Variants in ASIC2 observed in about 807,000 individuals in gnomAD.
ASIC2 encodes the protein acid sensing ion channel subunit 2, also known as acid-sensing ion channel 2.
In ASIC2, 25 loss-of-function variants were observed where a neutral mutation model predicts 57.3. That is an observed-to-expected ratio of 0.44 (90% confidence interval 0.32 to 0.61). The LOEUF (loss-of-function observed/expected upper bound fraction) is 0.61, where lower values mean the gene tolerates loss of function less well. ASIC2 is among the 20% of genes least tolerant of loss of function. The pLI is 0.06. For missense variants in ASIC2, 641 were observed against 738.1 expected, an observed-to-expected ratio of 0.87 and a Z score of 1.52; for synonymous variants, 319 against 307.5, an observed-to-expected ratio of 1.04 and a Z score of -0.39.
At chr17:33,931,333 C>A (rs1239976773) in intron 1 of ASIC2, 1 of 152,166 alleles carries the variant, frequency 6.6e-6, no homozygotes, top group Non-Finnish European at 1.5e-5. Flanking sequence ...CAGAGCAGAA[C>A]AGGCCAGGGA....
At chr17:33,937,999 C>A (rs1358037089) in intron 1 of ASIC2, among the ~76,000 whole-genome samples, 1 of 152,180 alleles carries the variant, frequency 6.6e-6, no homozygotes, top group Non-Finnish European at 1.5e-5. Flanking sequence ...AGGGAACAAG[C>A]CTAAATCTCC....
intron 1 of ASIC2, among the ~76,000 whole-genome samples, chr17:34,101,222 C>T (rs1474159402): frequency 1.3e-5 from 2 of 152,152 alleles, no homozygotes; most frequent in East Asian, 3.8e-4. Flanking sequence ...CAAATGTATC[C>T]GGTATTGTTT....
intron 1 of ASIC2, among the ~76,000 whole-genome samples, chr17:33,659,328 A>G (rs564816893): frequency 2.0e-5 from 3 of 152,322 alleles, no homozygotes; most frequent in East Asian, 1.9e-4. Context: ...AATGACAGGT[A>G]TATGTTCTGA....
At chr17:33,313,458 G>T (rs914335109) in intron 1 of ASIC2, among the ~76,000 whole-genome samples, 1 of 152,102 alleles carries the variant, frequency 6.6e-6, no homozygotes, top group African/African-American at 2.4e-5. Context: ...CCCTTTAAAG[G>T]AATTGGTTGT....
chr17:33,533,558 C>A (rs904026401), intron 1 of ASIC2: 1 of 152,136 alleles, frequency 6.6e-6, no homozygotes, highest in African/African-American at 2.4e-5. Flanking sequence ...AAATAAAAGG[C>A]CTTGTCTGAG....
intron 3 of ASIC2, among the ~76,000 whole-genome samples, chr17:33,085,843 G>A (rs1246796948): frequency 6.6e-6 from 1 of 152,082 alleles, no homozygotes; most frequent in East Asian, 1.9e-4. Context: ...ATGTGTTTTT[G>A]TATTTCTCTA....
intron 1 of ASIC2, chr17:34,118,342 T>C (rs1476020938): frequency 1.3e-5 from 2 of 152,208 alleles, no homozygotes; most frequent in Admixed American, 6.5e-5. Flanking sequence ...CTATTGTTAG[T>C]AGCATGTTTT....
chr17:33,711,845 G>T (rs1169265887), intron 1 of ASIC2, among the ~76,000 whole-genome samples: 1 of 152,176 alleles, frequency 6.6e-6, no homozygotes, highest in East Asian at 1.9e-4. Context: ...TGAGATTTGG[G>T]TGGGGACACA....
At chr17:33,326,650 G>A (rs1426714253) in intron 1 of ASIC2, among the ~76,000 whole-genome samples, 2 of 152,166 alleles carry the variant, frequency 1.3e-5, no homozygotes, top group Admixed American at 1.3e-4. Flanking sequence ...AAAACCAGCA[G>A]CTCCCAGAGC....
At chr17:33,436,961 G>T (rs1293639880) in intron 1 of ASIC2, among the ~76,000 whole-genome samples, 1 of 136,640 alleles carries the variant, frequency 7.3e-6, no homozygotes, top group Non-Finnish European at 1.5e-5. Flanking sequence ...CGCCTCCCAG[G>T]TTCATGCCAT....
At chr17:33,752,206 A>G (rs950970818) in intron 1 of ASIC2, among the ~76,000 whole-genome samples, 1 of 152,056 alleles carries the variant, frequency 6.6e-6, no homozygotes, top group African/African-American at 2.4e-5. Flanking sequence ...GCCCTTTCAA[A>G]CAGAAATTTA....
intron 1 of ASIC2, chr17:33,984,165 A>G (rs1905728349): frequency 6.6e-6 from 1 of 152,134 alleles, no homozygotes; most frequent in East Asian, 1.9e-4. Context: ...GCCCTCTCCA[A>G]TGGAGGGGAG....
intron 3 of ASIC2, among the ~76,000 whole-genome samples, chr17:33,053,539 A>T (rs1455910020): frequency 7.2e-5 from 11 of 152,240 alleles, no homozygotes; most frequent in African/African-American, 2.6e-4. Context: ...CTCTAAGTTG[A>T]GGCTAATCAT....
intron 1 of ASIC2, among the ~76,000 whole-genome samples, chr17:33,799,356 TTC>T (rs1912014786): frequency 2.3e-5 from 3 of 128,526 alleles, no homozygotes; most frequent in African/African-American, 9.6e-5. Flanking sequence ...CTCTTTCTCT[TTC>T]TTTCTTTCTT....
chr17:33,802,760 A>T (rs760304759), intron 1 of ASIC2, among the ~76,000 whole-genome samples: 1 of 152,258 alleles, frequency 6.6e-6, no homozygotes, highest in South Asian at 2.1e-4. Context: ...CCGTTGGCCT[A>T]GAGGCCAGGG....
intron 1 of ASIC2, among the ~76,000 whole-genome samples, chr17:33,157,462 T>C (rs115506033): frequency 0.032 from 4,883 of 152,212 alleles, 279 homozygotes; most frequent in African/African-American, 0.11. Flanking sequence ...ATTCCAAAAC[T>C]CTTCATCTGC....
At chr17:33,607,313 A>G (rs532014900) in intron 1 of ASIC2, among the ~76,000 whole-genome samples, 58 of 152,234 alleles carry the variant, frequency 3.8e-4, no homozygotes, top group African/African-American at 1.3e-3. Flanking sequence ...GGGAAGAAAC[A>G]TCAACCCTGA....
intron 1 of ASIC2, among the ~76,000 whole-genome samples, chr17:33,960,486 C>A (rs889261806): frequency 1.3e-5 from 2 of 152,182 alleles, no homozygotes; most frequent in Admixed American, 1.3e-4. Context: ...GACCATTACA[C>A]TCATGGAGAA....
At chr17:34,007,018 C>T (rs566727418) in intron 1 of ASIC2, among the ~76,000 whole-genome samples, 61 of 152,154 alleles carry the variant, frequency 4.0e-4, no homozygotes, top group Non-Finnish European at 7.2e-4. Flanking sequence ...CCAGATATCC[C>T]CATCCTGGTT....
Sources: allele counts gnomAD v4.1 joint callset (sites outside exome capture counted in the v4.1 genomes callset), GRCh38; gene constraint gnomAD v4.1.1; transcripts MANE v1.5; gene names NCBI Gene and HGNC (gene_info 2026-07-23, HGNC 2026-07-21).